Variants in FARP1 observed in about 807,000 individuals in gnomAD.
The protein encoded by FARP1 is FERM, ARHGEF and pleckstrin domain-containing protein 1.
FARP1 carries 52 observed loss-of-function variants against 128.8 expected under a neutral mutation model. The ratio of observed to expected loss-of-function variants is 0.40; its 90% CI spans 0.32 to 0.51. The LOEUF is 0.51. FARP1 is among the 20% of genes least tolerant of loss of function. The probability of loss-of-function intolerance (pLI) is 0.45; values close to 1 mark genes in which losing one functional copy is unlikely to be tolerated. For missense variants in FARP1, 1,333 were observed against 1,367.9 expected (o/e 0.97, Z 0.40); for synonymous variants, 580 against 551.8 (o/e 1.05, Z -0.72).
intron 16 of FARP1, among the ~76,000 whole-genome samples, chr13:98,422,361 T>C (rs1566308365): frequency 6.6e-6 from 1 of 152,144 alleles, no homozygotes; most frequent in African/African-American, 2.4e-5. Flanking sequence ...ATTCGTTTAA[T>C]TAGCAGAGGA....
intron 24 of FARP1, chr13:98,445,237 C>T (rs1231546826): frequency 1.3e-5 from 2 of 152,260 alleles, no homozygotes; most frequent in African/African-American, 4.8e-5. Context: ...CAATATTGGC[C>T]AACTTAACGA....
intron 16 of FARP1, among the ~76,000 whole-genome samples, chr13:98,422,112 C>A (rs1035484003): frequency 2.6e-5 from 4 of 152,164 alleles, no homozygotes; most frequent in Non-Finnish European, 5.9e-5. Context: ...ATTCCCAAAA[C>A]ACACAGATAG....
At chr13:98,255,505 A>AAAAAAC (rs1555331539) in intron 2 of FARP1, among the ~76,000 whole-genome samples, 30 of 152,306 alleles carry the variant, frequency 2.0e-4, no homozygotes, top group African/African-American at 6.7e-4. Context: ...CATCTCAAAA[A>AAAAAAC]AAAAACAAAA....
At chr13:98,255,618 G>A (rs746393015) in intron 2 of FARP1, among the ~76,000 whole-genome samples, 1 of 152,142 alleles carries the variant, frequency 6.6e-6, no homozygotes, top group Non-Finnish European at 1.5e-5. Context: ...TTCATGGGTT[G>A]GTTTTGAAAG....
chr13:98,215,974 AG>A (rs1881038638), intron 2 of FARP1, among the ~76,000 whole-genome samples: 1 of 152,078 alleles, frequency 6.6e-6, no homozygotes, highest in African/African-American at 2.4e-5. Flanking sequence ...TGTTTTTAGT[AG>A]AGACGGGCTT....
At chr13:98,255,481 A>G (rs1883542431) in intron 2 of FARP1, among the ~76,000 whole-genome samples, 1 of 152,090 alleles carries the variant, frequency 6.6e-6, no homozygotes, top group African/African-American at 2.4e-5. Context: ...AGCCCGGGCA[A>G]CAGAGTGAGA....
At chr13:98,177,031 A>G (rs779802187) in intron 1 of FARP1, 1 of 1,594,458 alleles carries the variant, frequency 6.3e-7, no homozygotes, top group East Asian at 2.2e-5. Flanking sequence ...CCAGCTGTGG[A>G]GGCCCCGGGG....
intron 2 of FARP1, among the ~76,000 whole-genome samples, chr13:98,239,321 G>T (rs1329188440): frequency 6.6e-6 from 1 of 152,164 alleles, no homozygotes; most frequent in East Asian, 1.9e-4. Context: ...CCACATCCAG[G>T]TTCAGCCAAG....
intron 2 of FARP1, among the ~76,000 whole-genome samples, chr13:98,276,560 A>C (rs1356881177): frequency 1.4e-5 from 2 of 140,708 alleles, no homozygotes; most frequent in Non-Finnish European, 3.2e-5. Flanking sequence ...GGGGATGTGG[A>C]TAACTTTTTT....
At chr13:98,252,750 CAAAG>C (rs1042166862) in intron 2 of FARP1, among the ~76,000 whole-genome samples, 2 of 152,182 alleles carry the variant, frequency 1.3e-5, no homozygotes, top group African/African-American at 4.8e-5. Context: ...AAGTCAATGT[CAAAG>C]AAAGTGTCCA....
chr13:98,242,204 A>T (rs1291482991), intron 2 of FARP1, among the ~76,000 whole-genome samples: 5 of 152,024 alleles, frequency 3.3e-5, no homozygotes, highest in African/African-American at 1.2e-4. Flanking sequence ...AAAGAAACAT[A>T]TTTCTATGAA....
intron 25 of FARP1, 39 bp downstream of exon 25, chr13:98,446,244 G>T: frequency 7.1e-7 from 1 of 1,406,694 alleles, no homozygotes; most frequent in South Asian, 1.2e-5. Flanking sequence ...CTGGGACCTT[G>T]GGGGTGGCAG....
intron 2 of FARP1, among the ~76,000 whole-genome samples, chr13:98,261,126 T>A (rs1208024306): frequency 6.6e-6 from 1 of 152,174 alleles, no homozygotes; most frequent in African/African-American, 2.4e-5. Flanking sequence ...TGGTGACAGC[T>A]GTTGATGGGG....
At chr13:98,377,375 A>G (rs1889637566) in intron 5 of FARP1, among the ~76,000 whole-genome samples, 1 of 22,024 alleles carries the variant, frequency 4.5e-5, no homozygotes, top group Non-Finnish European at 1.1e-4. Flanking sequence ...GTTACACCAC[A>G]AAAAAAAAAA....
At chr13:98,381,857 A>C (rs1252571023) in intron 6 of FARP1, among the ~76,000 whole-genome samples, 3 of 152,168 alleles carry the variant, frequency 2.0e-5, no homozygotes, top group African/African-American at 7.2e-5. Context: ...AAAACATTTA[A>C]AAAATAGGAA....
At chr13:98,245,965 C>G (rs554762231) in intron 2 of FARP1, among the ~76,000 whole-genome samples, 1 of 151,530 alleles carries the variant, frequency 6.6e-6, no homozygotes, top group Non-Finnish European at 1.5e-5. Context: ...TTAGTAGAGA[C>G]GAGGTTTCAC....
At chr13:98,203,829 T>C (rs1880104046) in intron 1 of FARP1, 1 of 152,198 alleles carries the variant, frequency 6.6e-6, no homozygotes, top group African/African-American at 2.4e-5. Context: ...TGATTACAAT[T>C]TTAAGAAACT....
At chr13:98,219,665 C>T (rs1881297720) in intron 2 of FARP1, among the ~76,000 whole-genome samples, 1 of 151,256 alleles carries the variant, frequency 6.6e-6, no homozygotes, top group Non-Finnish European at 1.5e-5. Flanking sequence ...ATTTTGTTTC[C>T]CAATTTATTT....
Position 98,368,006 on chromosome 13 carries a change from C to G in FARP1, c.320-111C>G. The stretch of plus-strand genomic sequence containing the variant: ...TGACTTGGAAAATGGCAGATGTGCA[C>G]TTGGCAGCTTGGAATGAGATGCATT... On this transcript the variant is annotated intron_variant, in intron 4 of 26. Transcript: ENST00000319562. 2.5e-6 allele frequency: 2 copies of G among 795,824 alleles called. 1 individual carries two copies. The highest frequency in any genetic ancestry group is 4.8e-5 in the Admixed American group (2 of 41,484). 49.3% of individuals were successfully genotyped at this position (795,824 alleles called of 1,614,324 possible).
Sources: allele counts gnomAD v4.1 joint callset (sites outside exome capture counted in the v4.1 genomes callset), GRCh38; gene constraint gnomAD v4.1.1; transcripts MANE v1.5; gene names NCBI Gene and HGNC (gene_info 2026-07-23, HGNC 2026-07-21).